The following IQSEC1 variants were observed in gnomAD, a reference collection of about 807,000 sequenced individuals.
IQSEC1 encodes the protein IQ motif and SEC7 domain-containing protein 1.
IQSEC1 carries 31 observed loss-of-function variants against 91.0 expected under a neutral mutation model. The ratio of observed to expected loss-of-function variants is 0.34; its 90% CI spans 0.26 to 0.46. The LOEUF (loss-of-function observed/expected upper bound fraction) is 0.46. Ranked by LOEUF, IQSEC1 falls within the 20% of genes least tolerant of loss-of-function variation. The probability of loss-of-function intolerance (pLI) is 1.00; values close to 1 mark genes in which losing one functional copy is unlikely to be tolerated. For missense variants in IQSEC1, 1,388 were observed against 1,575.6 expected (o/e 0.88, Z 2.02); for synonymous variants, 699 against 662.6 (o/e 1.05, Z -0.84).
intron 1 of IQSEC1, among the ~76,000 whole-genome samples, chr3:13,218,832 G>A (rs1694598178): frequency 6.6e-6 from 1 of 152,188 alleles, no homozygotes; most frequent in Non-Finnish European, 1.5e-5. Context: ...CAGCAGGTGT[G>A]CAATGGAAGG....
rs370255434 is a variant in IQSEC1, at chr3:12,956,437, G to A, written c.24-14572C>T. Among the ~76,000 whole-genome samples the A allele has an allele frequency of 2.0e-5, 3 of 152,330 alleles. No homozygotes were observed. In the South Asian group the frequency reaches 6.2e-4, roughly 32 times the overall value. ...AAGGCCTTCTGCTCCACTGGGTCCTGTGAGTGTGTGGTTTTTACAAGGCTC... is the reference window on the plus strand; with the variant it reads ...AAGGCCTTCTGCTCCACTGGGTCCTATGAGTGTGTGGTTTTTACAAGGCTC... On this transcript the variant is annotated intron_variant, in intron 1 of 13. Transcript: ENST00000613206.
chr3:13,201,082 T>C (rs968342305), intron 1 of IQSEC1, among the ~76,000 whole-genome samples: 1 of 152,178 alleles, frequency 6.6e-6, no homozygotes, highest in Non-Finnish European at 1.5e-5. Context: ...AGTTATGCCA[T>C]TTACTCCGCA....
chr3:13,161,355 G>T (rs914866057), intron 2 of IQSEC1, among the ~76,000 whole-genome samples: 11 of 152,202 alleles, frequency 7.2e-5, no homozygotes, highest in African/African-American at 2.7e-4. Context: ...CCCTCTAGCG[G>T]GTCTGGAGAG....
Position 13,282,195 on chromosome 3 carries a change from C to G in IQSEC1, c.272+516G>C, listed in dbSNP as rs1335151013. Reference sequence around the variant, plus strand: ...AGACAGAGGCGTCCACAGAAGAGGGCTCTGCGCGTCCCGGACTGGACACAG... The same window carrying G: ...AGACAGAGGCGTCCACAGAAGAGGGGTCTGCGCGTCCCGGACTGGACACAG... On this transcript the variant is annotated intron_variant, in intron 1 of 15. Coordinates refer to the IQSEC1 transcript ENST00000648114. This position sits in a 1 kb window ranked among gnomAD's most constrained non-coding sequence, Gnocchi z 6.4. 6.6e-6 allele frequency among the ~76,000 whole-genome samples: 1 copy of G among 152,222 alleles called. No homozygotes were observed. Among genetic ancestry groups the G allele is most frequent in the Non-Finnish European group, 1.5e-5 (1 of 68,030 alleles).
At chr3:13,278,834 T>TGGG (rs369219000) in intron 1 of IQSEC1, among the ~76,000 whole-genome samples, 1 of 94,126 alleles carries the variant, frequency 1.1e-5, no homozygotes, top group African/African-American at 3.3e-5. Context: ...AGGGGCAGGG[T>TGGG]GGGGGGGGAC....
intron 1 of IQSEC1, among the ~76,000 whole-genome samples, chr3:13,205,417 G>A (rs777319666): frequency 2.2e-4 from 33 of 151,968 alleles, no homozygotes; most frequent in Admixed American, 1.1e-3. Flanking sequence ...AATCTGAAAC[G>A]TTCCTGTTAG....
intron 1 of IQSEC1, among the ~76,000 whole-genome samples, chr3:13,019,618 G>A (rs1302613866): frequency 6.6e-6 from 1 of 152,240 alleles, no homozygotes; most frequent in African/African-American, 2.4e-5. Context: ...CAACAGAATG[G>A]GGTAGGGGTC....
intron 1 of IQSEC1, among the ~76,000 whole-genome samples, chr3:13,260,080 A>C (rs73016821): frequency 0.12 from 18,896 of 152,246 alleles, 1,252 homozygotes; most frequent in East Asian, 0.19. Context: ...CCACGCCTGG[A>C]GGACAGTGCC....
At chr3:13,116,707 C>A (rs1473937871) in intron 2 of IQSEC1, among the ~76,000 whole-genome samples, 1 of 152,140 alleles carries the variant, frequency 6.6e-6, no homozygotes, top group Non-Finnish European at 1.5e-5. Flanking sequence ...TCAAGACCAG[C>A]CTGGCCAACA....
intron 2 of IQSEC1, among the ~76,000 whole-genome samples, chr3:13,153,278 T>C (rs1194673487): frequency 6.6e-6 from 1 of 152,124 alleles, no homozygotes; most frequent in African/African-American, 2.4e-5. Flanking sequence ...CCTGCAGGAC[T>C]GCTCCAGCAA....
rs185142491 is a variant in IQSEC1, at chr3:13,249,734, G to A, written c.272+32977C>T. ...TGGGGGAGCCGGGGTCAAGGGGAGC[G>A]TAAGGTGAGATGGATGGGCACAAGC... On this transcript the variant is annotated intron_variant, in intron 1 of 15. Coordinates refer to the IQSEC1 transcript ENST00000648114. 3.7e-3 allele frequency among the ~76,000 whole-genome samples: 559 copies of A among 152,254 alleles called. 2 individuals carry two copies. The highest frequency in any genetic ancestry group is 0.011 in the South Asian group (54 of 4,824).
chr3:12,968,154 A>G (rs1249165969), intron 1 of IQSEC1, among the ~76,000 whole-genome samples: 2 of 152,188 alleles, frequency 1.3e-5, no homozygotes, highest in Non-Finnish European at 2.9e-5. Flanking sequence ...GCTGATGCCT[A>G]CTCAACATCT....
At chr3:13,162,224 T>C (rs1707191947) in intron 2 of IQSEC1, among the ~76,000 whole-genome samples, 1 of 152,164 alleles carries the variant, frequency 6.6e-6, no homozygotes, top group Non-Finnish European at 1.5e-5. Context: ...GAATGAGGGT[T>C]TCAGGTAAGC....
At chr3:13,083,696 T>C (rs369598875) in intron 2 of IQSEC1, among the ~76,000 whole-genome samples, 1 of 152,236 alleles carries the variant, frequency 6.6e-6, no homozygotes, top group East Asian at 1.9e-4. Flanking sequence ...CATGAAATGG[T>C]GTCTCCTCCA....
chr3:13,148,287 G>A (rs1706930265), intron 2 of IQSEC1, among the ~76,000 whole-genome samples: 1 of 152,084 alleles, frequency 6.6e-6, no homozygotes, highest in African/African-American at 2.4e-5. Context: ...GGAGGGAGGA[G>A]GGAGGCCTGG....
chr3:12,993,091 C>CCCTGCTG (rs1702062118), intron 1 of IQSEC1, among the ~76,000 whole-genome samples: 1 of 152,164 alleles, frequency 6.6e-6, no homozygotes, highest in Admixed American at 6.5e-5. Flanking sequence ...CACCTCATCC[C>CCCTGCTG]CCTGCTGCCA....
chr3:12,920,679 C>T, intron 5 of IQSEC1, 83 bp from the exon 6 acceptor site: 2 of 1,428,912 alleles, frequency 1.4e-6, no homozygotes, highest in South Asian at 2.4e-5. Flanking sequence ...CTGTCATGTG[C>T]CGCTAAGCCT....
chr3:12,901,060 G>T lies in IQSEC1; in HGVS notation c.3268C>A (p.His1090Asn). The T allele has an allele frequency of 6.5e-7, 1 of 1,542,178 alleles. No homozygotes were observed. Among genetic ancestry groups the T allele is most frequent in the Non-Finnish European group, 8.7e-7 (1 of 1,146,180 alleles). The stretch of plus-strand genomic sequence containing the variant: ...GGCGGGGCAGGGGGCTGCCCATGGT[G>T]GTGCACTGTGTGCCCCACGTGGGCC... ...PSAHVGHTVHHHGQPPAPPPP... is the reference protein window; with the variant it reads ...PSAHVGHTVHNHGQPPAPPPP... Residue 1090 changes from histidine (H) to asparagine (N), a missense_variant, in exon 14 of 14, where the codon CAC becomes AAC. Physicochemically the swap from His to Asn is moderately conservative, Grantham distance 68 (BLOSUM62 1). Transcript: ENST00000613206.
intron 7 of IQSEC1, 24 bp from the exon 8 acceptor site, chr3:12,915,157 A>T: frequency 6.2e-7 from 1 of 1,605,320 alleles, no homozygotes; most frequent in Non-Finnish European, 8.5e-7. Flanking sequence ...TGAAACCAAC[A>T]AAAGGGTGTT....
Sources: allele counts gnomAD v4.1 joint callset (sites outside exome capture counted in the v4.1 genomes callset), GRCh38; gene constraint gnomAD v4.1.1; non-coding constraint Gnocchi (gnomAD v3.1); transcripts MANE v1.5; gene names NCBI Gene and HGNC (gene_info 2026-07-23, HGNC 2026-07-21).